The following MIPOL1 variants were observed in gnomAD, a reference collection of about 807,000 sequenced individuals.
MIPOL1 encodes mirror-image polydactyly gene 1 protein.
MIPOL1 carries 57 observed loss-of-function variants against 60.9 expected under a neutral mutation model. The ratio of observed to expected loss-of-function variants is 0.94; its 90% confidence interval spans 0.76 to 1.17. The LOEUF is 1.17. Ranked by LOEUF, MIPOL1 falls within the 50% of genes most tolerant of loss-of-function variation. The pLI is 0.00. For synonymous variants in MIPOL1, 179 were observed against 168.8 expected (o/e 1.06, Z -0.47); for missense variants, 551 against 511.6 (o/e 1.08, Z -0.74).
chr14:37,530,142 A>G (rs1044654491), intron 12 of MIPOL1, among the ~76,000 whole-genome samples: 1 of 152,234 alleles, frequency 6.6e-6, no homozygotes, highest in Admixed American at 6.5e-5. Context: ...AGAAATTCAT[A>G]TCAGAAACAT....
chr14:37,416,428 G>T (rs1404522678), intron 10 of MIPOL1, among the ~76,000 whole-genome samples: 1 of 152,060 alleles, frequency 6.6e-6, no homozygotes, highest in Non-Finnish European at 1.5e-5. Flanking sequence ...AGGTAGTATA[G>T]CCTACTACAC....
In MIPOL1 at chr14:37,367,439, A is replaced by G. The variant is rs1275418853; in HGVS notation, c.829-2078A>G. Among the ~76,000 whole-genome samples, 3 of 152,176 alleles carry G rather than the reference A, an allele frequency of 2.0e-5. No homozygotes were observed. The East Asian group carries it at 5.8e-4, about 29-fold the overall frequency. On this transcript the variant is annotated intron_variant, in intron 9 of 12. Transcript: ENST00000684589. ...TGAGTGAATTTTTTATGTTTCTACC[A>G]TGTAGTTTGGAAAAATCCCTATTCC...
rs1173993657 is a variant in MIPOL1 at position 37,524,565 on chromosome 14, CT to C, written c.1263-22336del. On this transcript the variant is annotated intron_variant, in intron 12 of 12. Transcript: ENST00000684589. Reference sequence around the variant, plus strand: ...TCTTGACATCTTAATTTTTCTTTTTCTTTTCTTTTTTTTTTTTTTTGAGATG... The same window carrying C: ...TCTTGACATCTTAATTTTTCTTTTTCTTTCTTTTTTTTTTTTTTTGAGATG... Among the ~76,000 whole-genome samples the C allele has an allele frequency of 1.6e-5, 2 of 124,848 alleles. 1 individual carries two copies. Among genetic ancestry groups the C allele is most frequent in the Non-Finnish European group, 3.2e-5 (2 of 61,714 alleles). The allele number at this position is 124,848 out of a possible 152,430, so 81.9% of individuals were successfully genotyped here.
chr14:37,200,902 T>TA (rs1965221035), intron 1 of MIPOL1, among the ~76,000 whole-genome samples: 2 of 37,954 alleles, frequency 5.3e-5, no homozygotes, highest in Non-Finnish European at 1.1e-4. Flanking sequence ...GTGTGTGTAT[T>TA]TTTTTTTTTT....
chr14:37,268,837 T>C (rs1209680821), intron 5 of MIPOL1, 44 bp downstream of exon 5: 1 of 1,384,752 alleles, frequency 7.2e-7, no homozygotes, highest in Admixed American at 2.7e-5. Flanking sequence ...TGGGTTTAGC[T>C]GTTGATCTTC....
chr14:37,279,717 T>G (rs1467113134), intron 6 of MIPOL1, among the ~76,000 whole-genome samples: 1 of 152,136 alleles, frequency 6.6e-6, no homozygotes, highest in African/African-American at 2.4e-5. Context: ...TTTCAGTACA[T>G]GTACATACAT....
At chr14:37,248,611 T>TA (rs768699830) in intron 3 of MIPOL1, among the ~76,000 whole-genome samples, 13 of 151,526 alleles carry the variant, frequency 8.6e-5, no homozygotes, top group Non-Finnish European at 1.5e-4. Flanking sequence ...AGAGACAAGA[T>TA]ACAGATATCT....
intron 10 of MIPOL1, chr14:37,401,642 C>CT (rs1407196548): frequency 3.9e-5 from 6 of 151,950 alleles, no homozygotes; most frequent in African/African-American, 1.4e-4. Flanking sequence ...AAAACAAAGA[C>CT]TTTTTTAAAA....
chr14:37,469,849 A>G (rs111991201), intron 11 of MIPOL1, among the ~76,000 whole-genome samples: 3,227 of 152,284 alleles, frequency 0.021, 98 homozygotes, highest in African/African-American at 0.072. Flanking sequence ...ACCAGATGCC[A>G]GTGCCATGCT....
intron 7 of MIPOL1, among the ~76,000 whole-genome samples, chr14:37,298,106 T>A (rs968692231): frequency 6.6e-6 from 1 of 152,116 alleles, no homozygotes. Flanking sequence ...AACAGAGATA[T>A]AGACCAATGG....
chr14:37,382,708 T>A (rs1566486959), intron 10 of MIPOL1, among the ~76,000 whole-genome samples: 1 of 152,020 alleles, frequency 6.6e-6, no homozygotes, highest in Non-Finnish European at 1.5e-5. Context: ...TTTTCTGTTA[T>A]GTTGATGCAT....
At chr14:37,351,811 C>T (rs1470824459) in intron 9 of MIPOL1, among the ~76,000 whole-genome samples, 1 of 139,978 alleles carries the variant, frequency 7.1e-6, no homozygotes, top group Admixed American at 7.3e-5. Flanking sequence ...GGATATTAGC[C>T]CTTTGTCAGA....
chr14:37,417,363 A>G (rs1283296383), intron 10 of MIPOL1, among the ~76,000 whole-genome samples: 2 of 152,178 alleles, frequency 1.3e-5, no homozygotes, highest in African/African-American at 4.8e-5. Context: ...ATATATGACT[A>G]CTTTTGACTG....
chr14:37,358,659 C>T (rs148070570), intron 9 of MIPOL1, among the ~76,000 whole-genome samples: 10 of 152,038 alleles, frequency 6.6e-5, no homozygotes, highest in South Asian at 2.1e-4. Flanking sequence ...CTGTTAATAC[C>T]CTTTGCCCAC....
chr14:37,484,431 G>A (rs547077141), intron 11 of MIPOL1, among the ~76,000 whole-genome samples: 15 of 142,838 alleles, frequency 1.1e-4, no homozygotes, highest in South Asian at 6.8e-4. Context: ...TCCGCCTCCC[G>A]GATTCAAGCA....
chr14:37,340,607 G>A (rs1410667292), intron 9 of MIPOL1, among the ~76,000 whole-genome samples: 7 of 151,568 alleles, frequency 4.6e-5, no homozygotes, highest in African/African-American at 1.7e-4. Flanking sequence ...CTCCTGCCTC[G>A]GGAGGAGCTT....
At chr14:37,269,345 TTAAA>T (rs1164639343) in intron 5 of MIPOL1, among the ~76,000 whole-genome samples, 1 of 152,168 alleles carries the variant, frequency 6.6e-6, no homozygotes, top group Non-Finnish European at 1.5e-5. Flanking sequence ...CATGTGATCA[TTAAA>T]TAATTTTATT....
intron 11 of MIPOL1, among the ~76,000 whole-genome samples, chr14:37,482,602 A>C (rs1006943701): frequency 1.3e-5 from 2 of 152,132 alleles, no homozygotes; most frequent in African/African-American, 4.8e-5. Flanking sequence ...AATTCCAGAC[A>C]CTTATAAAAC....
In MIPOL1 at chr14:37,549,659, A is replaced by G. The variant is rs1451737772; in HGVS notation, c.*2688A>G. 1 of 151,964 alleles carries G rather than the reference A, an allele frequency of 6.6e-6. No individual in the cohort carries two copies. The highest frequency in any genetic ancestry group is 6.6e-5 in the Admixed American group (1 of 15,252). The allele number at this position is 151,964 out of a possible 1,614,324, so 9.4% of individuals were successfully genotyped here. On this transcript the variant is annotated 3_prime_UTR_variant, in exon 13 of 13. Coordinates refer to ENST00000684589, the MANE Select transcript of MIPOL1 (RefSeq NM_001388067.1). Reference sequence around the variant, plus strand: ...GTTGTGATAGTACCATCTCTTTCACATACTACATACAAATTCCCTAATAAT... The same window carrying G: ...GTTGTGATAGTACCATCTCTTTCACGTACTACATACAAATTCCCTAATAAT...
Sources: gnomAD v4.1 joint callset for allele counts (sites outside exome capture counted in the v4.1 genomes callset) on GRCh38, gnomAD v4.1.1 for gene constraint, MANE v1.5 for transcripts, NCBI Gene and HGNC (gene_info 2026-07-23, HGNC 2026-07-21) for gene names.